Variants in MAOA observed in about 807,000 individuals in gnomAD.
MAOA encodes monoamine oxidase A.
In MAOA, 6 loss-of-function variants were observed where a neutral mutation model predicts 42.0. The ratio of observed to expected loss-of-function variants is 0.14; its 90% CI spans 0.08 to 0.28. The LOEUF (loss-of-function observed/expected upper bound fraction) is 0.28. Among genes scored for constraint, MAOA ranks in the 10% least tolerant of loss-of-function variants. The pLI, the probability that MAOA is intolerant of heterozygous loss-of-function variation, is 1.00. For synonymous variants in MAOA, 140 were observed against 154.0 expected, an observed-to-expected ratio of 0.91 and a Z score of 0.67; for missense variants, 262 against 422.3, an observed-to-expected ratio of 0.62 and a Z score of 3.33.
At chrX:43,724,853 C>T (rs1219364739) in intron 5 of MAOA, among the ~76,000 whole-genome samples, 1 of 111,997 alleles carries the variant, frequency 8.9e-6, no homozygotes, top group Non-Finnish European at 1.9e-5. Flanking sequence ...AAATGTGTCC[C>T]AGAGATTCTG....
At chrX:43,678,135 A>G (rs2033415585) in intron 1 of MAOA, among the ~76,000 whole-genome samples, 1 of 111,588 alleles carries the variant, frequency 9.0e-6, no homozygotes, top group African/African-American at 3.3e-5. Flanking sequence ...CACCATGGAA[A>G]TCTAAATGCT....
chrX:43,690,170 T>A (rs2033521192), intron 2 of MAOA, among the ~76,000 whole-genome samples: 1 of 109,924 alleles, frequency 9.1e-6, no homozygotes, highest in Admixed American at 9.9e-5. Flanking sequence ...TATTTTTTAA[T>A]ACTACTTAAT....
chrX:43,704,124 A>G (rs1327453033), intron 3 of MAOA, among the ~76,000 whole-genome samples: 1 of 111,568 alleles, frequency 9.0e-6, no homozygotes, highest in Non-Finnish European at 1.9e-5. Flanking sequence ...CAAGAGGAGG[A>G]AAGATTTCTC....
intron 3 of MAOA, among the ~76,000 whole-genome samples, chrX:43,703,454 G>A (rs1367293716): frequency 2.7e-5 from 3 of 111,880 alleles, no homozygotes; most frequent in South Asian, 3.7e-4. Context: ...CTTTCTCCTC[G>A]TTGTTGTGGA....
chrX:43,702,368 G>A (rs1180228698), intron 3 of MAOA, among the ~76,000 whole-genome samples: 4 of 112,075 alleles, frequency 3.6e-5, no homozygotes, highest in Non-Finnish European at 5.6e-5. Context: ...GTGGTTCAAG[G>A]TCCTACAGAA....
chrX:43,683,920 C>T (rs756121565), intron 2 of MAOA, among the ~76,000 whole-genome samples: 13 of 106,407 alleles, frequency 1.2e-4, no homozygotes, highest in African/African-American at 4.1e-4. Context: ...GATAGTTTGG[C>T]TGTACTGGAA....
chrX:43,723,358 A>G (rs2033806728), intron 5 of MAOA, among the ~76,000 whole-genome samples: 1 of 111,268 alleles, frequency 9.0e-6, no homozygotes, highest in Non-Finnish European at 1.9e-5. Context: ...GCCCTCTTTT[A>G]TTGCGTTGAG....
intron 8 of MAOA, 125 bp from the exon 9 acceptor site, chrX:43,732,574 G>A (rs2033890778): frequency 3.9e-6 from 2 of 514,900 alleles, no homozygotes; most frequent in South Asian, 2.6e-5. Flanking sequence ...ATGTAGGGTT[G>A]GGGCCAAGAC....
intron 9 of MAOA, among the ~76,000 whole-genome samples, chrX:43,735,242 T>G (rs3027402): frequency 0.07 from 7,781 of 111,827 alleles, 651 homozygotes; most frequent in African/African-American, 0.24. Flanking sequence ...ACCTGTCCTT[T>G]TGGTCTTGAA....
chrX:43,691,306 C>T (rs1360805708), intron 2 of MAOA, among the ~76,000 whole-genome samples: 2 of 109,029 alleles, frequency 1.8e-5, no homozygotes, highest in Non-Finnish European at 3.8e-5. Context: ...CCAGGAAAGT[C>T]GAGGCTGCAG....
chrX:43,731,831 G>T lies in MAOA; in HGVS notation c.933G>T (p.Lys311Asn), dbSNP rs144688481. 2.2e-5 allele frequency: 27 copies of T among 1,208,260 alleles called. No individual in the cohort carries two copies. The African/African-American group carries it at 4.0e-4, about 18-fold the overall frequency. Residue 311 changes from lysine (K) to asparagine (N), a missense_variant, in exon 8 of 15, where the codon AAG becomes AAT. Physicochemically the swap from Lys to Asn is moderately conservative, Grantham distance 94. Coordinates refer to ENST00000338702, the MANE Select transcript of MAOA (RefSeq NM_000240.4). Reference protein sequence around the residue: ...GAVIKCMMYYKEAFWKKKDYC... With the variant: ...GAVIKCMMYYNEAFWKKKDYC... ...TCATTAAGTGCATGATGTATTACAA[G>T]GAGGCCTTCTGGAAGAAGAAGGGTA...
chrX:43,658,300 T>A (rs1262544233), intron 1 of MAOA, among the ~76,000 whole-genome samples: 1 of 111,800 alleles, frequency 8.9e-6, no homozygotes, highest in Non-Finnish European at 1.9e-5. Context: ...GCGGTTTTTT[T>A]ATTTTTCCTC....
At chrX:43,735,281 T>G (rs2147104705) in intron 9 of MAOA, among the ~76,000 whole-genome samples, 1 of 112,446 alleles carries the variant, frequency 8.9e-6, no homozygotes, top group African/African-American at 3.2e-5. Flanking sequence ...AAAAATTTTT[T>G]AATGGAAAAA....
chrX:43,665,524 G>A (rs1055237841), intron 1 of MAOA, among the ~76,000 whole-genome samples: 18 of 111,373 alleles, frequency 1.6e-4, no homozygotes, highest in Non-Finnish European at 2.4e-4. Flanking sequence ...AGATTGGGGC[G>A]AATAATGAAT....
intron 5 of MAOA, among the ~76,000 whole-genome samples, chrX:43,725,943 T>G (rs1402467552): frequency 8.9e-6 from 1 of 112,022 alleles, no homozygotes; most frequent in Non-Finnish European, 1.9e-5. Context: ...TTAGTTTGGC[T>G]GGATATGAAA....
At chrX:43,713,287 A>G (rs2147094808) in intron 5 of MAOA, among the ~76,000 whole-genome samples, 1 of 111,256 alleles carries the variant, frequency 9.0e-6, no homozygotes, top group Admixed American at 9.6e-5. Context: ...GAACATTAAG[A>G]AGACATGGAT....
At chrX:43,716,911 G>C (rs982401121) in intron 5 of MAOA, among the ~76,000 whole-genome samples, 6 of 110,945 alleles carry the variant, frequency 5.4e-5, no homozygotes, top group African/African-American at 2.0e-4. Context: ...GCCTGACTGG[G>C]GACATGGTAT....
At chrX:43,658,001 CTTTA>C in intron 1 of MAOA, 2 of 609,760 alleles carry the variant, frequency 3.3e-6, no homozygotes, top group Non-Finnish European at 3.9e-6. Flanking sequence ...GCTTGTTTCT[CTTTA>C]TTTATTTATG....
rs752621678 is a variant in MAOA, at chrX:43,712,576, A to G, written c.412-129A>G. On this transcript the variant is annotated intron_variant, in intron 4 of 14. Coordinates refer to ENST00000338702, the MANE Select transcript of MAOA (RefSeq NM_000240.4). ...TACCCCACTCCCTGTCTCTATATAG[A>G]ATTCTATGCCAATCACACATTTCAA... 6 of 516,151 alleles carry G rather than the reference A, an allele frequency of 1.2e-5. No homozygotes were observed. The East Asian group carries it at 1.8e-4, about 16-fold the overall frequency. 42.5% of individuals were successfully genotyped at this position (516,151 alleles called of 1,213,427 possible).
Sources: allele counts gnomAD v4.1 joint callset (sites outside exome capture counted in the v4.1 genomes callset), GRCh38; gene constraint gnomAD v4.1.1; transcripts MANE v1.5; gene names NCBI Gene and HGNC (gene_info 2026-07-23, HGNC 2026-07-21).